Variants in PPARGC1A observed in about 807,000 individuals in gnomAD.
PPARGC1A encodes the protein PPARG coactivator 1 alpha.
A neutral mutation model predicts 88.7 loss-of-function variants in PPARGC1A; 25 were observed. That is an observed-to-expected ratio of 0.28 (90% confidence interval 0.21 to 0.39). The LOEUF is 0.39. Ranked by LOEUF, PPARGC1A falls within the 10% of genes least tolerant of loss-of-function variation. The pLI is 1.00. For synonymous variants in PPARGC1A, 363 were observed against 355.6 expected, an observed-to-expected ratio of 1.02 and a Z score of -0.24; for missense variants, 880 against 968.7, an observed-to-expected ratio of 0.91 and a Z score of 1.22.
the PPARGC1A span, among the ~76,000 whole-genome samples, chr4:23,972,250 T>C: frequency 6.6e-6 from 1 of 152,224 alleles, no homozygotes; most frequent in African/African-American, 2.4e-5. Context: ...AATGAAAATC[T>C]GAAATCTCTT....
the PPARGC1A span, among the ~76,000 whole-genome samples, chr4:24,140,439 C>G: frequency 6.6e-6 from 1 of 152,210 alleles, no homozygotes; most frequent in Non-Finnish European, 1.5e-5. Context: ...GATTTTGTGA[C>G]CGGGTCATTG....
chr4:24,392,249 T>A, the PPARGC1A span, among the ~76,000 whole-genome samples: 53 of 152,000 alleles, frequency 3.5e-4, no homozygotes, highest in Middle Eastern at 0.01. Context: ...GAGGCTTTTT[T>A]TAAAAAAAAT....
At chr4:24,284,328 AC>A in the PPARGC1A span, among the ~76,000 whole-genome samples, 2 of 152,038 alleles carry the variant, frequency 1.3e-5, no homozygotes, top group Non-Finnish European at 2.9e-5. Context: ...AAACAAACAA[AC>A]AAAAAACAAA....
At chr4:24,358,729 A>G in the PPARGC1A span, among the ~76,000 whole-genome samples, 1 of 152,222 alleles carries the variant, frequency 6.6e-6, no homozygotes, top group Non-Finnish European at 1.5e-5. Flanking sequence ...CCTCCACCCC[A>G]GTTCCCAGTT....
chr4:24,039,578 C>T, the PPARGC1A span, among the ~76,000 whole-genome samples: 1 of 152,032 alleles, frequency 6.6e-6, no homozygotes, highest in Non-Finnish European at 1.5e-5. Context: ...CAAAAAGAGG[C>T]CTCTGATGCC....
chr4:24,249,991 C>T, the PPARGC1A span, among the ~76,000 whole-genome samples: 1 of 152,206 alleles, frequency 6.6e-6, no homozygotes, highest in African/African-American at 2.4e-5. Context: ...ATTGAATGCA[C>T]ACCCTATGTC....
chr4:24,375,728 T>C, the PPARGC1A span, among the ~76,000 whole-genome samples: 773 of 152,236 alleles, frequency 5.1e-3, 3 homozygotes, highest in Non-Finnish European at 4.7e-3. Flanking sequence ...GGGGTCGCGA[T>C]AGACAAAAAT....
At chr4:23,836,885 A>C (rs1372091026) in intron 2 of PPARGC1A, among the ~76,000 whole-genome samples, 1 of 152,186 alleles carries the variant, frequency 6.6e-6, no homozygotes, top group Admixed American at 6.5e-5. Flanking sequence ...TAAATTAAGG[A>C]GGAGAGGAGG....
At chr4:24,127,645 C>G in the PPARGC1A span, among the ~76,000 whole-genome samples, 1 of 152,070 alleles carries the variant, frequency 6.6e-6, no homozygotes, top group African/African-American at 2.4e-5. Flanking sequence ...TCCATCACAG[C>G]TTTCCCTTTC....
the PPARGC1A span, among the ~76,000 whole-genome samples, chr4:24,180,777 A>T: frequency 6.6e-6 from 1 of 152,146 alleles, no homozygotes; most frequent in Non-Finnish European, 1.5e-5. Context: ...GGTCATTCTC[A>T]TCCATGTGAA....
the PPARGC1A span, among the ~76,000 whole-genome samples, chr4:24,160,361 T>C: frequency 5.3e-5 from 8 of 152,210 alleles, no homozygotes; most frequent in Non-Finnish European, 1.2e-4. Context: ...TTGGTGATTA[T>C]TAAGACCATT....
the PPARGC1A span, among the ~76,000 whole-genome samples, chr4:24,155,662 C>A: frequency 6.6e-6 from 1 of 151,674 alleles, no homozygotes; most frequent in South Asian, 2.1e-4. Flanking sequence ...CCTCATGAAG[C>A]TTGTGGTTTA....
At chr4:24,457,311 A>C in the PPARGC1A span, among the ~76,000 whole-genome samples, 1 of 152,124 alleles carries the variant, frequency 6.6e-6, no homozygotes, top group African/African-American at 2.4e-5. Flanking sequence ...ATTATGAGAA[A>C]GTCAAGTGAG....
At chr4:24,198,233 C>T in the PPARGC1A span, among the ~76,000 whole-genome samples, 1 of 152,152 alleles carries the variant, frequency 6.6e-6, no homozygotes, top group African/African-American at 2.4e-5. Context: ...CTCTAAATAA[C>T]CAAAGTATTT....
chr4:24,459,321 A>C, the PPARGC1A span, among the ~76,000 whole-genome samples: 1 of 152,230 alleles, frequency 6.6e-6, no homozygotes, highest in Admixed American at 6.5e-5. Context: ...TCACGTGGCT[A>C]TTAGGGGCTG....
chr4:24,108,928 A>T, the PPARGC1A span, among the ~76,000 whole-genome samples: 1 of 152,028 alleles, frequency 6.6e-6, no homozygotes, highest in Non-Finnish European at 1.5e-5. Context: ...ATTAGAAAAA[A>T]GTACTAGTGA....
chr4:24,317,657 G>A, the PPARGC1A span, among the ~76,000 whole-genome samples: 11 of 140,964 alleles, frequency 7.8e-5, no homozygotes, highest in African/African-American at 2.3e-4. Context: ...CTGGCATCTT[G>A]TAGACAGAGA....
At chr4:24,105,278 G>A in the PPARGC1A span, among the ~76,000 whole-genome samples, 91 of 152,278 alleles carry the variant, frequency 6.0e-4, no homozygotes, top group African/African-American at 2.1e-3. Context: ...AGTTTCCAAT[G>A]ACCCAAGCAA....
At chr4:24,276,045 G>A in the PPARGC1A span, among the ~76,000 whole-genome samples, 8 of 152,170 alleles carry the variant, frequency 5.3e-5, no homozygotes, top group African/African-American at 9.7e-5. Context: ...CAAAGTGATC[G>A]TTACACCCTA....
Sources: gnomAD v4.1 joint callset for allele counts (sites outside exome capture counted in the v4.1 genomes callset) on GRCh38, gnomAD v4.1.1 for gene constraint, MANE v1.5 for transcripts, NCBI Gene and HGNC (gene_info 2026-07-23, HGNC 2026-07-21) for gene names.